CLSTN2: variants seen among roughly 807,000 people sequenced by gnomAD.
CLSTN2 encodes the protein calsyntenin-2.
Under a neutral mutation model 101.2 loss-of-function variants are expected in CLSTN2, and 48 were observed. The ratio of observed to expected loss-of-function variants is 0.47; its 90% CI spans 0.38 to 0.60. CLSTN2 has a LOEUF of 0.60. Among genes scored for constraint, CLSTN2 ranks in the 20% least tolerant of loss-of-function variants. CLSTN2 has a pLI of 0.00. For synonymous variants in CLSTN2, 481 were observed against 463.6 expected (o/e 1.04, Z -0.48); for missense variants, 1,160 against 1,238.2 (o/e 0.94, Z 0.95).
chr3:140,261,350 T>G (rs373448725), intron 2 of CLSTN2, among the ~76,000 whole-genome samples: 2 of 152,216 alleles, frequency 1.3e-5, no homozygotes, highest in Non-Finnish European at 2.9e-5. Flanking sequence ...GTTGCTTAGA[T>G]GGTTAACAGC....
chr3:140,424,371 C>T (rs1200358543), intron 5 of CLSTN2, among the ~76,000 whole-genome samples: 1 of 152,206 alleles, frequency 6.6e-6, no homozygotes, highest in Non-Finnish European at 1.5e-5. Context: ...GTCCCAGCTC[C>T]CAGACCTAGA....
intron 1 of CLSTN2, among the ~76,000 whole-genome samples, chr3:140,020,652 C>T (rs1215668048): frequency 2.0e-5 from 3 of 152,164 alleles, no homozygotes; most frequent in African/African-American, 7.2e-5. Flanking sequence ...GCTCTGGGCT[C>T]TCTGGTCTGA....
chr3:140,389,835 A>G (rs1320903284), intron 2 of CLSTN2, among the ~76,000 whole-genome samples: 3 of 152,130 alleles, frequency 2.0e-5, no homozygotes, highest in Admixed American at 6.5e-5. Flanking sequence ...CTTGCATGAG[A>G]TGGTATCACA....
chr3:140,283,026 T>A (rs1006071063), intron 2 of CLSTN2, among the ~76,000 whole-genome samples: 6 of 152,168 alleles, frequency 3.9e-5, no homozygotes, highest in African/African-American at 1.2e-4. Context: ...CAGGGGCTGC[T>A]CATGGAGCTG....
At chr3:140,348,308 A>G (rs926723084) in intron 2 of CLSTN2, among the ~76,000 whole-genome samples, 2 of 152,148 alleles carry the variant, frequency 1.3e-5, no homozygotes, top group East Asian at 3.8e-4. Flanking sequence ...CCCAAAACCA[A>G]GTTTTCCAAC....
chr3:140,509,523 C>T (rs1934763936), intron 8 of CLSTN2, among the ~76,000 whole-genome samples: 1 of 152,188 alleles, frequency 6.6e-6, no homozygotes, highest in East Asian at 1.9e-4. Flanking sequence ...TTAAATGAGG[C>T]TTTTCCAAAG....
At chr3:140,480,546 G>A (rs1311849606) in intron 8 of CLSTN2, among the ~76,000 whole-genome samples, 2 of 152,180 alleles carry the variant, frequency 1.3e-5, no homozygotes, top group Non-Finnish European at 2.9e-5. Flanking sequence ...GGTTGAACTA[G>A]TTTACAGTCC....
At chr3:140,293,579 G>A (rs1241493908) in intron 2 of CLSTN2, among the ~76,000 whole-genome samples, 2 of 152,174 alleles carry the variant, frequency 1.3e-5, no homozygotes, top group Non-Finnish European at 2.9e-5. Context: ...ATGAAATTAA[G>A]ATATATTTAG....
chr3:140,456,536 C>T (rs1298619601), intron 6 of CLSTN2, among the ~76,000 whole-genome samples: 4 of 152,202 alleles, frequency 2.6e-5, no homozygotes, highest in Non-Finnish European at 4.4e-5. Flanking sequence ...CTCGTAATCC[C>T]AGCACTTTGG....
In CLSTN2 at chr3:140,574,418, C is replaced by T. The variant is rs771362677; in HGVS notation, c.*8165C>T. On this transcript the variant is annotated 3_prime_UTR_variant, in exon 17 of 17. Coordinates refer to ENST00000458420, the MANE Select transcript of CLSTN2 (RefSeq NM_022131.3). ...GGGTGAGGCCTGCTTGCTCCACCGTCGAGGTCATGGGCAGCATCCCAACTG... is the reference window on the plus strand; with the variant it reads ...GGGTGAGGCCTGCTTGCTCCACCGTTGAGGTCATGGGCAGCATCCCAACTG... 5 of 152,180 alleles carry T rather than the reference C, an allele frequency of 3.3e-5. No homozygotes were observed. The highest frequency in any genetic ancestry group is 2.1e-4 in the South Asian group (1 of 4,826). 9.4% of individuals were successfully genotyped at this position (152,180 alleles called of 1,614,324 possible). A position where few individuals can be genotyped will look rare whatever the true frequency, so the allele number is the denominator to read the frequency against.
intron 1 of CLSTN2, among the ~76,000 whole-genome samples, chr3:140,036,923 A>G (rs1006897916): frequency 6.6e-6 from 1 of 151,798 alleles, no homozygotes; most frequent in Non-Finnish European, 1.5e-5. Context: ...TTTCAATTAA[A>G]ACACATGCTA....
intron 1 of CLSTN2, among the ~76,000 whole-genome samples, chr3:140,163,497 A>T (rs2010084857): frequency 6.6e-6 from 1 of 151,288 alleles, no homozygotes; most frequent in African/African-American, 2.4e-5. Context: ...GTTATGTACT[A>T]TTGGTTCTGT....
intron 1 of CLSTN2, among the ~76,000 whole-genome samples, chr3:140,122,132 C>T (rs767219798): frequency 4.6e-5 from 7 of 152,180 alleles, no homozygotes; most frequent in South Asian, 4.1e-4. Context: ...TGCAACTCGA[C>T]ATTTCTCACA....
chr3:140,264,115 CTT>C (rs2086675627), intron 2 of CLSTN2, among the ~76,000 whole-genome samples: 1 of 151,998 alleles, frequency 6.6e-6, no homozygotes, highest in African/African-American at 2.4e-5. Context: ...GATGCTCTGG[CTT>C]TTTGTTTCCA....
chr3:140,013,160 G>A (rs1332616945), intron 1 of CLSTN2, among the ~76,000 whole-genome samples: 2 of 152,234 alleles, frequency 1.3e-5, no homozygotes, highest in Non-Finnish European at 2.9e-5. Context: ...GAACCAGTAG[G>A]AAAACCAGGT....
chr3:140,449,045 G>A (rs1028393355), intron 6 of CLSTN2, among the ~76,000 whole-genome samples: 3 of 152,132 alleles, frequency 2.0e-5, no homozygotes, highest in South Asian at 4.1e-4. Context: ...GTTCCTTTCT[G>A]CCCCACTGGT....
chr3:140,265,708 T>C (rs1197926991), intron 2 of CLSTN2, among the ~76,000 whole-genome samples: 1 of 152,122 alleles, frequency 6.6e-6, no homozygotes, highest in African/African-American at 2.4e-5. Flanking sequence ...TTTTCTTAGG[T>C]AAGGGCCAGA....
intron 4 of CLSTN2, among the ~76,000 whole-genome samples, chr3:140,408,423 G>A (rs1265504653): frequency 6.6e-6 from 1 of 152,108 alleles, no homozygotes; most frequent in Non-Finnish European, 1.5e-5. Flanking sequence ...GTTCCCTAGT[G>A]ACTGCTCTGC....
intron 1 of CLSTN2, among the ~76,000 whole-genome samples, chr3:139,952,581 A>C (rs1426236200): frequency 1.3e-5 from 2 of 152,308 alleles, no homozygotes; most frequent in Non-Finnish European, 2.9e-5. Context: ...TCCTGTCAGT[A>C]AAAACCTGAG....
Sources: allele counts gnomAD v4.1 joint callset (sites outside exome capture counted in the v4.1 genomes callset), GRCh38; gene constraint gnomAD v4.1.1; transcripts MANE v1.5; gene names NCBI Gene and HGNC (gene_info 2026-07-23, HGNC 2026-07-21).